TBC1D30: variants seen among roughly 807,000 people sequenced by gnomAD.
TBC1D30 encodes the protein TBC1 domain family, member 30.
Under a neutral mutation model 63.2 loss-of-function variants are expected in TBC1D30, and 31 were observed. That is an observed-to-expected ratio of 0.49 (90% CI 0.37 to 0.66). The LOEUF is 0.66. Among genes scored for constraint, TBC1D30 ranks in the 30% least tolerant of loss-of-function variants. TBC1D30 has a pLI of 0.00. For missense variants in TBC1D30, 810 were observed against 953.6 expected, an observed-to-expected ratio of 0.85 and a Z score of 1.98; for synonymous variants, 307 against 361.5, an observed-to-expected ratio of 0.85 and a Z score of 1.71.
chr12:64,835,984 G>A (rs553359606), intron 5 of TBC1D30, among the ~76,000 whole-genome samples: 22 of 152,192 alleles, frequency 1.4e-4, no homozygotes, highest in Non-Finnish European at 2.1e-4. Context: ...ATTTTCCCAG[G>A]AAGCGGACAA....
intron 8 of TBC1D30, among the ~76,000 whole-genome samples, chr12:64,860,014 C>CTT (rs1324286068): frequency 4.0e-5 from 6 of 149,640 alleles, no homozygotes; most frequent in African/African-American, 1.2e-4. Flanking sequence ...AAAGATTCTT[C>CTT]TTCTTTTTTT....
At position 64,875,735 on chromosome 12, in the gene TBC1D30, A is replaced by T. The variant is rs1363180746; in HGVS notation, c.2233A>T (p.Ser745Cys). The change falls in exon 12 of 12, where the codon AGT (serine) becomes TGT (cysteine). Residue 745 changes from serine to cysteine, a missense_variant. Ser to Cys is a moderately radical substitution (Grantham distance 112). Coordinates refer to ENST00000539867, the MANE Select transcript of TBC1D30 (RefSeq NM_015279.2). ...CCCAACTGTGCACTTTCCTCAAATGAGTAGGAGCTTCAGCAAACCCGGCGG... is the reference window on the plus strand; with the variant it reads ...CCCAACTGTGCACTTTCCTCAAATGTGTAGGAGCTTCAGCAAACCCGGCGG... ...RTPTVHFPQM[S>C]RSFSKPGGGN... 3.3e-6 allele frequency: 5 copies of T among 1,534,622 alleles called. No individual in the cohort carries two copies. Among genetic ancestry groups the T allele is most frequent in the Non-Finnish European group, 4.4e-6 (5 of 1,146,450 alleles).
Position 64,875,135 on chromosome 12 carries a change from A to C in TBC1D30, c.1633A>C (p.Thr545Pro). Residue 545 changes from threonine to proline, a missense_variant, in exon 12 of 12, where the codon ACA becomes CCA. Transcript: ENST00000539867. ...KNAVIHIPGH[T>P]GGKISPVPYE... ...TGCTGTCATCCACATCCCTGGTCAC[A>C]CAGGAGGGAAAATATCTCCTGTCCC... 6.5e-7 allele frequency: 1 copy of C among 1,536,482 alleles called. No homozygotes were observed. The highest frequency in any genetic ancestry group is 1.4e-5 in the African/African-American group (1 of 73,164).
At chr12:64,769,933 T>G (rs1243077242) in intron 1 of TBC1D30, among the ~76,000 whole-genome samples, 1 of 152,242 alleles carries the variant, frequency 6.6e-6, no homozygotes, top group Non-Finnish European at 1.5e-5. Context: ...GTAACTGGCA[T>G]AACAATGAAA....
In TBC1D30 at chr12:64,875,876, C is replaced by G. The variant is rs1197226191; in HGVS notation, c.*88C>G. On this transcript the variant is annotated 3_prime_UTR_variant, in exon 12 of 12. Coordinates refer to ENST00000539867, the MANE Select transcript of TBC1D30 (RefSeq NM_015279.2). Reference sequence around the variant, plus strand: ...ATGGCTCTAAAAGAGTTTTATTTGTCCAGTGAAAATGAATAGGTTCAGGGA... The same window carrying G: ...ATGGCTCTAAAAGAGTTTTATTTGTGCAGTGAAAATGAATAGGTTCAGGGA... The G allele has an allele frequency of 4.5e-6, 6 of 1,334,564 alleles. No homozygotes were observed. The African/African-American group carries it at 8.9e-5, about 20-fold the overall frequency. The allele number at this position is 1,334,564 out of a possible 1,614,324, so 82.7% of individuals were successfully genotyped here.
At chr12:64,816,324 C>T (rs562933135) in intron 2 of TBC1D30, among the ~76,000 whole-genome samples, 1 of 152,210 alleles carries the variant, frequency 6.6e-6, no homozygotes, top group Admixed American at 6.5e-5. Context: ...GCATGAGCCC[C>T]GGCATCCAGG....
chr12:64,793,993 G>A (rs1872098703), intron 2 of TBC1D30, among the ~76,000 whole-genome samples: 1 of 152,200 alleles, frequency 6.6e-6, no homozygotes, highest in South Asian at 2.1e-4. Context: ...TGCTTGTGAA[G>A]TAAGTTTTTG....
chr12:64,829,012 A>C (rs908788781), intron 3 of TBC1D30, among the ~76,000 whole-genome samples: 15 of 142,778 alleles, frequency 1.1e-4, no homozygotes, highest in African/African-American at 3.8e-4. Flanking sequence ...ATTCAAGCAA[A>C]GATGGGGTGG....
rs548282975 is a variant in TBC1D30, at chr12:64,866,732, A to G, written c.1152-32A>G. On this transcript the variant is annotated intron_variant, in intron 9 of 11. Transcript: ENST00000539867. ...TTTAAAATACCATGGTTTTCTTTGT[A>G]TATTTCTTTTTTGTCTTTTATGTTT... 16 of 1,529,358 alleles carry G rather than the reference A, an allele frequency of 1.0e-5. No individual in the cohort carries two copies. The African/African-American group carries it at 1.5e-4, about 14-fold the overall frequency. 94.7% of individuals were successfully genotyped at this position (1,529,358 alleles called of 1,614,324 possible).
rs764563235 is a variant in TBC1D30 at position 64,866,752 on chromosome 12, A to G, written c.1152-12A>G. On this transcript the variant is annotated splice_polypyrimidine_tract_variant and intron_variant, in intron 9 of 11. Coordinates refer to ENST00000539867, the MANE Select transcript of TBC1D30 (RefSeq NM_015279.2). Reference sequence around the variant, plus strand: ...TTTGTATATTTCTTTTTTGTCTTTTATGTTTTCCAAGACGACATAGTAAGG... The same window carrying G: ...TTTGTATATTTCTTTTTTGTCTTTTGTGTTTTCCAAGACGACATAGTAAGG... 2.0e-6 allele frequency: 3 copies of G among 1,531,624 alleles called. No individual in the cohort carries two copies. The highest frequency in any genetic ancestry group is 1.2e-5 in the South Asian group (1 of 82,586). The allele number at this position is 1,531,624 out of a possible 1,614,324, so 94.9% of individuals were successfully genotyped here. A position where few individuals can be genotyped will look rare whatever the true frequency, so the allele number is the denominator to read the frequency against.
chr12:64,763,723 C>T (rs1202224096), intron 1 of TBC1D30, among the ~76,000 whole-genome samples: 1 of 151,998 alleles, frequency 6.6e-6, no homozygotes, highest in Admixed American at 6.5e-5. Flanking sequence ...ATTCTCCTGC[C>T]TCAGCCTCCC....
chr12:64,781,625 A>T (rs1871294794), intron 1 of TBC1D30, among the ~76,000 whole-genome samples: 1 of 151,518 alleles, frequency 6.6e-6, no homozygotes, highest in Admixed American at 6.6e-5. Context: ...GGAGGTTCTG[A>T]TACGTATACC....
At chr12:64,839,628 A>G (rs1875668281) in intron 7 of TBC1D30, among the ~76,000 whole-genome samples, 1 of 152,214 alleles carries the variant, frequency 6.6e-6, no homozygotes, top group Admixed American at 6.5e-5. Context: ...TTTTGTTTCA[A>G]AAACCTTTTA....
chr12:64,798,835 C>T lies in TBC1D30; in HGVS notation c.643+12790C>T, dbSNP rs140015995. Among the ~76,000 whole-genome samples the T allele has an allele frequency of 7.3e-3, 909 of 125,064 alleles. 7 individuals are homozygous for T. The highest frequency in any genetic ancestry group is 0.027 in the African/African-American group (864 of 31,836). 82.0% of individuals were successfully genotyped at this position (125,064 alleles called of 152,430 possible). On this transcript the variant is annotated intron_variant, in intron 2 of 12. Transcript: ENST00000542120. ...TTTTTTTTTTTTTTTTTTGTTGAGA[C>T]GGAGTCTCGCTCTGTCACCCAGGCT...
At chr12:64,769,542 AT>A (rs35063952) in intron 1 of TBC1D30, among the ~76,000 whole-genome samples, 60,059 of 132,938 alleles carry the variant, frequency 0.45, 12,987 homozygotes, top group African/African-American at 0.6. Flanking sequence ...ACGCTGGGCT[AT>A]TTTTTTTTTT....
At chr12:64,840,735 G>A (rs1313230366) in intron 7 of TBC1D30, among the ~76,000 whole-genome samples, 2 of 152,210 alleles carry the variant, frequency 1.3e-5, no homozygotes, top group Non-Finnish European at 2.9e-5. Context: ...CCTGGCTCTA[G>A]AGTCTGTGCT....
intron 2 of TBC1D30, among the ~76,000 whole-genome samples, chr12:64,800,063 G>A (rs527801098): frequency 1.3e-5 from 2 of 152,262 alleles, no homozygotes; most frequent in South Asian, 2.1e-4. Flanking sequence ...CTGAGATCGC[G>A]TCATTACACT....
intron 8 of TBC1D30, 41 bp from the exon 9 acceptor site, chr12:64,864,627 G>A (rs940030418): frequency 1.5e-6 from 2 of 1,314,916 alleles, no homozygotes; most frequent in Admixed American, 3.9e-5. Context: ...AGTTGTGAAG[G>A]CTACTGTTTC....
At chr12:64,848,828 T>C (rs113140720) in intron 8 of TBC1D30, among the ~76,000 whole-genome samples, 1 of 152,228 alleles carries the variant, frequency 6.6e-6, no homozygotes, top group African/African-American at 2.4e-5. Context: ...TTTCTGGTTC[T>C]AGATCCTTCA....
Sources: gnomAD v4.1 joint callset for allele counts (sites outside exome capture counted in the v4.1 genomes callset) on GRCh38, gnomAD v4.1.1 for gene constraint, MANE v1.5 for transcripts, NCBI Gene and HGNC (gene_info 2026-07-23, HGNC 2026-07-21) for gene names.